Variants in PRKN observed in about 807,000 individuals in gnomAD.
PRKN encodes the protein E3 ubiquitin-protein ligase parkin.
A neutral mutation model predicts 59.5 loss-of-function variants in PRKN; 56 were observed. That is an observed-to-expected ratio of 0.94 (90% CI 0.76 to 1.18). The LOEUF is 1.18. Among genes scored for constraint, PRKN ranks in the 50% most tolerant of loss-of-function variants. The probability of loss-of-function intolerance (pLI) is 0.00; values close to 1 mark genes in which losing one functional copy is unlikely to be tolerated. For synonymous variants in PRKN, 250 were observed against 222.1 expected, an observed-to-expected ratio of 1.13 and a Z score of -1.12; for missense variants, 657 against 596.4, an observed-to-expected ratio of 1.10 and a Z score of -1.06.
rs147190830 is a variant in PRKN at position 161,561,970 on chromosome 6, C to T, written c.933+7385G>A. ...TTGCCACAGTGTCACAGGCGAAGGA[C>T]GCTCCCTGACCTCATCTTCTGCAAA... On this transcript the variant is annotated intron_variant, in intron 8 of 11. Coordinates refer to ENST00000366898, the MANE Select transcript of PRKN (RefSeq NM_004562.3). This position sits in a 1 kb window ranked among gnomAD's most constrained non-coding sequence, Gnocchi z 5.0. Among the ~76,000 whole-genome samples, 58 of 152,272 alleles carry T rather than the reference C, an allele frequency of 3.8e-4. No individual in the cohort carries two copies. Among genetic ancestry groups the T allele is most frequent in the African/African-American group, 1.2e-3 (51 of 41,570 alleles).
At chr6:161,522,956 G>C (rs1271108919) in intron 9 of PRKN, among the ~76,000 whole-genome samples, 2 of 152,130 alleles carry the variant, frequency 1.3e-5, no homozygotes, top group African/African-American at 4.8e-5. Flanking sequence ...ACGTTTGCAT[G>C]TTCAAACTTA....
chr6:161,692,273 GA>G (rs1368864095), intron 7 of PRKN, among the ~76,000 whole-genome samples: 4 of 151,384 alleles, frequency 2.6e-5, no homozygotes, highest in Non-Finnish European at 4.4e-5. Context: ...ATACCAAGAG[GA>G]AAAAAAATAG....
At position 161,601,702 on chromosome 6, in the gene PRKN, C is replaced by G. The variant is rs1470159471; in HGVS notation, c.872-32286G>C. The stretch of plus-strand genomic sequence containing the variant: ...GGTTCACGCCATTCTCCTGCCTCAG[C>G]CTCCCGAGTAGCTGGGATTACAGGC... On this transcript the variant is annotated intron_variant, in intron 7 of 11. Transcript: ENST00000366898. 2.6e-5 allele frequency among the ~76,000 whole-genome samples: 4 copies of G among 152,008 alleles called. No individual in the cohort carries two copies. In the East Asian group the frequency reaches 7.8e-4, roughly 30 times the overall value.
chr6:162,559,394 A>C (rs1027635121), intron 1 of PRKN, among the ~76,000 whole-genome samples: 9 of 151,530 alleles, frequency 5.9e-5, no homozygotes, highest in Admixed American at 4.0e-4. Flanking sequence ...CCCATCACAC[A>C]CCCTTCCCCA....
At position 162,568,907 on chromosome 6, in the gene PRKN, C is replaced by T. The variant is rs1474115468; in HGVS notation, c.8-125434G>A. 6 of 682,476 alleles carry T rather than the reference C, an allele frequency of 8.8e-6. No homozygotes were observed. The East Asian group carries it at 1.1e-4, about 12-fold the overall frequency. The allele number at this position is 682,476 out of a possible 1,614,324, so 42.3% of individuals were successfully genotyped here. ...ATGAATTTATCCTCATCAGGAAGGA[C>T]ATGGATGATGCTTACGTGAACAAGG... On this transcript the variant is annotated intron_variant, in intron 1 of 11. Coordinates refer to ENST00000366898, the MANE Select transcript of PRKN (RefSeq NM_004562.3).
At chr6:162,684,400 T>C (rs937744097) in intron 1 of PRKN, among the ~76,000 whole-genome samples, 2 of 152,166 alleles carry the variant, frequency 1.3e-5, no homozygotes, top group Admixed American at 6.5e-5. Flanking sequence ...TCAAAAATTA[T>C]GTCTAGTTTT....
At chr6:161,500,082 A>G (rs890693029) in intron 9 of PRKN, among the ~76,000 whole-genome samples, 1 of 152,222 alleles carries the variant, frequency 6.6e-6, no homozygotes, top group Non-Finnish European at 1.5e-5. Flanking sequence ...GTTAATGAAA[A>G]TCAATGCATC....
chr6:162,314,277 T>C (rs982725259), intron 2 of PRKN, among the ~76,000 whole-genome samples: 3 of 152,174 alleles, frequency 2.0e-5, no homozygotes, highest in African/African-American at 7.2e-5. Flanking sequence ...ATTCTAAACA[T>C]CAGCCTTTTT....
At chr6:162,113,978 T>TC (rs1432551132) in intron 4 of PRKN, among the ~76,000 whole-genome samples, 1 of 151,928 alleles carries the variant, frequency 6.6e-6, no homozygotes, top group Non-Finnish European at 1.5e-5. Context: ...GGGAATCCTT[T>TC]CCCCATTGCT....
At chr6:162,169,951 A>C (rs1400702015) in intron 4 of PRKN, among the ~76,000 whole-genome samples, 7 of 152,210 alleles carry the variant, frequency 4.6e-5, no homozygotes, top group Admixed American at 3.9e-4. Context: ...TGATGGGGGA[A>C]GAAAGCGACG....
rs372106837 is a variant in PRKN, at chr6:161,497,575, T to TCACA, written c.1083+51278_1083+51279insTGTG. ...ACATGTCTCTCTCTCTCTCTCTCTC[T>TCACA]CTCACACACACACACACACACACCA... On this transcript the variant is annotated intron_variant, in intron 9 of 11. Transcript: ENST00000366898. This position sits in a 1 kb window ranked among gnomAD's most constrained non-coding sequence, Gnocchi z 4.6. Among the ~76,000 whole-genome samples the TCACA allele has an allele frequency of 0.15, 20,902 of 139,010 alleles. 1,792 individuals carry two copies. The highest frequency in any genetic ancestry group is 0.29 in the Middle Eastern group (77 of 270). 91.2% of individuals were successfully genotyped at this position (139,010 alleles called of 152,430 possible).
chr6:162,594,632 G>C (rs994164493), intron 1 of PRKN, among the ~76,000 whole-genome samples: 1 of 152,126 alleles, frequency 6.6e-6, no homozygotes, highest in East Asian at 1.9e-4. Flanking sequence ...AGACCACTTA[G>C]AGGAATTTAG....
At position 162,186,688 on chromosome 6, in the gene PRKN, G is replaced by A. The variant is rs570271967; in HGVS notation, c.534+14443C>T. ...AGCAGTTTCTCATGAGTGGCTTAGC[G>A]CCATCCCTCTGGTGCTGTTCTTGGG... On this transcript the variant is annotated intron_variant, in intron 4 of 11. Transcript: ENST00000366898. Among the ~76,000 whole-genome samples the A allele has an allele frequency of 2.0e-4, 31 of 152,292 alleles. No individual in the cohort carries two copies. In the South Asian group the frequency reaches 3.3e-3, roughly 16 times the overall value.
intron 1 of PRKN, among the ~76,000 whole-genome samples, chr6:162,659,121 T>C (rs1184402519): frequency 6.6e-6 from 1 of 152,204 alleles, no homozygotes; most frequent in Non-Finnish European, 1.5e-5. Flanking sequence ...ATTATGAATG[T>C]TAAATGTTAT....
intron 1 of PRKN, chr6:162,569,737 G>C: frequency 1.9e-6 from 1 of 536,850 alleles, no homozygotes; most frequent in Non-Finnish European, 3.5e-6. Flanking sequence ...GAACAGCTGC[G>C]ACAGCCCCTC....
chr6:162,375,886 T>C (rs747817618), intron 2 of PRKN, among the ~76,000 whole-genome samples: 27 of 152,010 alleles, frequency 1.8e-4, no homozygotes, highest in Non-Finnish European at 1.5e-4. Context: ...GACCCACGGT[T>C]CTTGTCTGGG....
intron 6 of PRKN, among the ~76,000 whole-genome samples, chr6:161,939,121 T>C (rs894382903): frequency 5.9e-5 from 9 of 152,134 alleles, no homozygotes; most frequent in African/African-American, 2.2e-4. Flanking sequence ...AGAAGCTGGA[T>C]AGAAAAAATA....
intron 7 of PRKN, among the ~76,000 whole-genome samples, chr6:161,726,740 A>G (rs916747592): frequency 2.6e-4 from 39 of 152,350 alleles, no homozygotes; most frequent in Admixed American, 7.2e-4. Flanking sequence ...GGAAGAAAAA[A>G]AGAGATAGAT....
chr6:161,744,780 C>T (rs1335510037), intron 7 of PRKN, among the ~76,000 whole-genome samples: 7 of 152,144 alleles, frequency 4.6e-5, no homozygotes, highest in Admixed American at 4.6e-4. Flanking sequence ...AAGAAGGCAC[C>T]TTCCACCAGA....
Sources: allele counts gnomAD v4.1 joint callset (sites outside exome capture counted in the v4.1 genomes callset), GRCh38; gene constraint gnomAD v4.1.1; non-coding constraint Gnocchi (gnomAD v3.1); transcripts MANE v1.5; gene names NCBI Gene and HGNC (gene_info 2026-07-23, HGNC 2026-07-21).